Variants in FAM13A observed in about 807,000 individuals in gnomAD.
FAM13A encodes the protein family with sequence similarity 13 member A, also known as protein FAM13A.
Under a neutral mutation model 129.6 loss-of-function variants are expected in FAM13A, and 76 were observed. The observed-to-expected ratio is 0.59, with a 90% CI of 0.49 to 0.71. The LOEUF (loss-of-function observed/expected upper bound fraction) is 0.71. Among genes scored for constraint, FAM13A ranks in the 30% least tolerant of loss-of-function variants. FAM13A has a pLI of 0.00. For synonymous variants in FAM13A, 443 were observed against 449.9 expected (o/e 0.98, Z 0.20); for missense variants, 1,108 against 1,249.3 (o/e 0.89, Z 1.70).
intron 4 of FAM13A, among the ~76,000 whole-genome samples, chr4:88,987,328 A>G (rs1762363288): frequency 6.6e-6 from 1 of 152,230 alleles, no homozygotes; most frequent in Non-Finnish European, 1.5e-5. Context: ...TCAAACTGAT[A>G]GTGAATAGGG....
intron 6 of FAM13A, among the ~76,000 whole-genome samples, chr4:88,903,058 A>G (rs868759974): frequency 6.8e-4 from 103 of 152,318 alleles, no homozygotes; most frequent in African/African-American, 2.3e-3. Flanking sequence ...GAAGTAAAGG[A>G]CCTCTTCAAG....
At chr4:88,960,862 T>C (rs1486812068) in intron 4 of FAM13A, among the ~76,000 whole-genome samples, 1 of 152,154 alleles carries the variant, frequency 6.6e-6, no homozygotes, top group Non-Finnish European at 1.5e-5. Context: ...AAAGCAACAG[T>C]TACTAATCAG....
chr4:88,856,244 C>T (rs1448132291), intron 6 of FAM13A, among the ~76,000 whole-genome samples: 1 of 151,864 alleles, frequency 6.6e-6, no homozygotes, highest in Non-Finnish European at 1.5e-5. Flanking sequence ...CTTTGGGAGG[C>T]CAAGATGGGG....
At chr4:88,754,356 G>A (rs1009319429) in intron 14 of FAM13A, among the ~76,000 whole-genome samples, 9 of 152,170 alleles carry the variant, frequency 5.9e-5, no homozygotes, top group Admixed American at 2.0e-4. Context: ...GTAGAAAGAG[G>A]GAACATATCT....
At chr4:88,775,145 G>A (rs530787393) in intron 11 of FAM13A, among the ~76,000 whole-genome samples, 1 of 152,256 alleles carries the variant, frequency 6.6e-6, no homozygotes, top group East Asian at 1.9e-4. Flanking sequence ...CAACAAAGAA[G>A]AAAACAGTCA....
intron 5 of FAM13A, among the ~76,000 whole-genome samples, chr4:88,922,297 G>T (rs1260772138): frequency 6.6e-6 from 1 of 151,602 alleles, no homozygotes; most frequent in African/African-American, 2.4e-5. Context: ...CCACATAATT[G>T]GAAGTAAAGC....
intron 7 of FAM13A, among the ~76,000 whole-genome samples, chr4:88,821,121 A>T (rs919263958): frequency 1.3e-5 from 2 of 152,180 alleles, no homozygotes; most frequent in South Asian, 4.1e-4. Context: ...AAACAATTAC[A>T]CGTAAGGGCG....
At chr4:89,000,526 G>A (rs1416806787) in intron 3 of FAM13A, among the ~76,000 whole-genome samples, 1 of 152,136 alleles carries the variant, frequency 6.6e-6, no homozygotes, top group Non-Finnish European at 1.5e-5. Flanking sequence ...GTGGTGGGAG[G>A]AGGGAGGAAT....
chr4:88,979,036 C>T (rs1019820602), intron 4 of FAM13A, among the ~76,000 whole-genome samples: 2 of 151,998 alleles, frequency 1.3e-5, no homozygotes, highest in South Asian at 2.1e-4. Flanking sequence ...AAGACGAGCA[C>T]CAGCTTAAGA....
At chr4:88,939,898 C>CT (rs1335856554) in intron 4 of FAM13A, among the ~76,000 whole-genome samples, 7 of 152,136 alleles carry the variant, frequency 4.6e-5, no homozygotes, top group Non-Finnish European at 7.4e-5. Flanking sequence ...CTGCCAACAA[C>CT]TTGAATGAGC....
chr4:88,836,872 A>C (rs1734902329), intron 7 of FAM13A, among the ~76,000 whole-genome samples: 1 of 151,876 alleles, frequency 6.6e-6, no homozygotes, highest in Non-Finnish European at 1.5e-5. Flanking sequence ...AGGCAGGAGA[A>C]TCACTTGAAC....
intron 4 of FAM13A, among the ~76,000 whole-genome samples, chr4:88,955,781 T>C (rs1757655814): frequency 6.6e-6 from 1 of 152,176 alleles, no homozygotes; most frequent in Non-Finnish European, 1.5e-5. Flanking sequence ...GCCCTTGCCC[T>C]AGAGGTCTGT....
intron 7 of FAM13A, among the ~76,000 whole-genome samples, chr4:88,831,240 T>A (rs1226180306): frequency 6.6e-6 from 1 of 152,184 alleles, no homozygotes; most frequent in East Asian, 1.9e-4. Context: ...GGAGTCCGGA[T>A]AATAGTGTTT....
At chr4:88,952,856 G>A (rs1413963679) in intron 4 of FAM13A, among the ~76,000 whole-genome samples, 1 of 152,150 alleles carries the variant, frequency 6.6e-6, no homozygotes, top group African/African-American at 2.4e-5. Flanking sequence ...GCTGAGGAAG[G>A]AGAATCGCTT....
chr4:88,885,067 C>G (rs969101944), intron 6 of FAM13A, among the ~76,000 whole-genome samples: 8 of 152,012 alleles, frequency 5.3e-5, no homozygotes, highest in African/African-American at 1.9e-4. Context: ...GTGAAAATGA[C>G]CATACTGCCA....
intron 6 of FAM13A, among the ~76,000 whole-genome samples, chr4:88,887,361 T>C (rs1744590677): frequency 6.6e-6 from 1 of 152,152 alleles, no homozygotes; most frequent in South Asian, 2.1e-4. Flanking sequence ...AATTTTAGAA[T>C]ACTGAGATAA....
Position 88,726,005 on chromosome 4 carries a change from A to AAAT in FAM13A, c.*2525_*2527dup, listed in dbSNP as rs1736381212. ...ATTCTTAAGTTTACTTACACTTATGAAATAACTCTTGACATTTATTTTGTT... is the reference window on the plus strand; with the variant it reads ...ATTCTTAAGTTTACTTACACTTATGAAATAATAACTCTTGACATTTATTTTGTT... On this transcript the variant is annotated 3_prime_UTR_variant, in exon 24 of 24. Coordinates refer to ENST00000264344, the MANE Select transcript of FAM13A (RefSeq NM_014883.4). The AAAT allele has an allele frequency of 6.6e-6, 1 of 152,250 alleles. No homozygotes were observed. Among genetic ancestry groups the AAAT allele is most frequent in the African/African-American group, 2.4e-5 (1 of 41,470 alleles). 9.4% of individuals were successfully genotyped at this position (152,250 alleles called of 1,614,324 possible). A position where few individuals can be genotyped will look rare whatever the true frequency, so the allele number is the denominator to read the frequency against.
chr4:88,946,683 T>C (rs1243186308), intron 4 of FAM13A, among the ~76,000 whole-genome samples: 1 of 152,114 alleles, frequency 6.6e-6, no homozygotes, highest in Non-Finnish European at 1.5e-5. Flanking sequence ...GGTAAATTCC[T>C]TGTCTGGCTC....
At chr4:88,939,753 T>C (rs1025486395) in intron 4 of FAM13A, among the ~76,000 whole-genome samples, 2 of 152,106 alleles carry the variant, frequency 1.3e-5, no homozygotes, top group African/African-American at 4.8e-5. Context: ...GCCTTAAAGA[T>C]ATAAGCAGTC....
Sources: allele counts gnomAD v4.1 joint callset (sites outside exome capture counted in the v4.1 genomes callset), GRCh38; gene constraint gnomAD v4.1.1; transcripts MANE v1.5; gene names NCBI Gene and HGNC (gene_info 2026-07-23, HGNC 2026-07-21).